Variants in DYRK1A observed in about 807,000 individuals in gnomAD.
DYRK1A encodes the protein dual specificity tyrosine phosphorylation regulated kinase 1A, also known as dual specificity tyrosine-phosphorylation-regulated kinase 1A.
A neutral mutation model predicts 79.7 loss-of-function variants in DYRK1A; 9 were observed. The observed-to-expected ratio is 0.11, with a 90% confidence interval of 0.07 to 0.20. DYRK1A has a LOEUF of 0.20. DYRK1A is among the 10% of genes least tolerant of loss of function. DYRK1A has a pLI of 1.00. For synonymous variants in DYRK1A, 349 were observed against 329.7 expected (o/e 1.06, Z -0.63); for missense variants, 622 against 956.0 (o/e 0.65, Z 4.61).
At chr21:37,508,470 A>G (rs1341871434) in intron 11 of DYRK1A, among the ~76,000 whole-genome samples, 1 of 152,136 alleles carries the variant, frequency 6.6e-6, no homozygotes, top group Non-Finnish European at 1.5e-5. Flanking sequence ...TATTTGTAGT[A>G]GAGACGGGGT....
At chr21:37,394,834 A>C (rs1301340119) in intron 1 of DYRK1A, among the ~76,000 whole-genome samples, 3 of 152,208 alleles carry the variant, frequency 2.0e-5, no homozygotes, top group Admixed American at 1.3e-4. Flanking sequence ...AAAGTAGCAA[A>C]AGACTAGATA....
At chr21:37,465,182 A>G (rs2051983487) in intron 2 of DYRK1A, among the ~76,000 whole-genome samples, 1 of 152,234 alleles carries the variant, frequency 6.6e-6, no homozygotes, top group Admixed American at 6.5e-5. Flanking sequence ...GTCACTAACT[A>G]GTTATGATAG....
chr21:37,399,747 C>T lies in DYRK1A; in HGVS notation c.-76-20552C>T, dbSNP rs1422025262. On this transcript the variant is annotated intron_variant, in intron 1 of 11. Transcript: ENST00000647188. The stretch of plus-strand genomic sequence containing the variant: ...TCTTTCTAAAGCTTGAAGGTACTCA[C>T]GAGAAAGCAGTGAGACTGTACATCA... 3.9e-5 allele frequency among the ~76,000 whole-genome samples: 6 copies of T among 152,012 alleles called. No individual in the cohort carries two copies. The East Asian group carries it at 1.2e-3, about 29-fold the overall frequency.
intron 2 of DYRK1A, among the ~76,000 whole-genome samples, chr21:37,422,203 A>T (rs2050494768): frequency 6.6e-6 from 1 of 152,144 alleles, no homozygotes; most frequent in Admixed American, 6.6e-5. Flanking sequence ...CTTACAGAGG[A>T]AAAAACCCAG....
At chr21:37,442,391 T>G (rs1289431126) in intron 2 of DYRK1A, among the ~76,000 whole-genome samples, 1 of 152,190 alleles carries the variant, frequency 6.6e-6, no homozygotes, top group Non-Finnish European at 1.5e-5. Context: ...TGTTAACTTT[T>G]TAAAATCTCT....
At chr21:37,491,199 G>A (rs2053081503) in intron 7 of DYRK1A, among the ~76,000 whole-genome samples, 1 of 152,108 alleles carries the variant, frequency 6.6e-6, no homozygotes. Context: ...GTGCTGATAA[G>A]TTTAGCTGAT....
At chr21:37,411,296 CAGTGAGCTG>C (rs1448906065) in intron 1 of DYRK1A, among the ~76,000 whole-genome samples, 2 of 151,606 alleles carry the variant, frequency 1.3e-5, no homozygotes, top group African/African-American at 4.8e-5. Context: ...GCGGAGGTTG[CAGTGAGCTG>C]AGATCACGCC....
chr21:37,493,799 A>G (rs1253497154), intron 8 of DYRK1A, among the ~76,000 whole-genome samples: 2 of 152,106 alleles, frequency 1.3e-5, no homozygotes, highest in South Asian at 2.1e-4. Flanking sequence ...AAAATTGACA[A>G]TTTGCACGTC....
intron 1 of DYRK1A, among the ~76,000 whole-genome samples, chr21:37,377,911 G>A (rs2049580098): frequency 6.6e-6 from 1 of 152,162 alleles, no homozygotes; most frequent in South Asian, 2.1e-4. Flanking sequence ...TGTGAGTATT[G>A]GCCATAGGAT....
In DYRK1A at chr21:37,368,609, C is replaced by T. The variant is rs1487854811; in HGVS notation, c.-77+981C>T. ...CCTTAGAACGTTGTTTTCACAAGTG[C>T]CAGGCTCTGTTTTTAGGGTTTTCAG... On this transcript the variant is annotated intron_variant, in intron 1 of 11. Coordinates refer to ENST00000647188, the MANE Select transcript of DYRK1A (RefSeq NM_001347721.2). Among the ~76,000 whole-genome samples, 4 of 152,112 alleles carry T rather than the reference C, an allele frequency of 2.6e-5. No homozygotes were observed. In the East Asian group the frequency reaches 5.8e-4, roughly 22 times the overall value.
intron 6 of DYRK1A, 141 bp downstream of exon 6, chr21:37,486,755 T>G: frequency 1.3e-6 from 1 of 793,200 alleles, no homozygotes; most frequent in Non-Finnish European, 1.8e-6. Flanking sequence ...ACAGCAAGAT[T>G]TATATAAGTG....
intron 6 of DYRK1A, chr21:37,488,460 C>A (rs1441896187): frequency 2.8e-6 from 2 of 722,510 alleles, no homozygotes; most frequent in African/African-American, 3.9e-5. Flanking sequence ...CTTTAAAAAA[C>A]ATCTACTTCT....
At chr21:37,428,578 A>G (rs1398809138) in intron 2 of DYRK1A, among the ~76,000 whole-genome samples, 1 of 152,226 alleles carries the variant, frequency 6.6e-6, no homozygotes, top group Non-Finnish European at 1.5e-5. Flanking sequence ...GTTGTGAAGA[A>G]TGTATTTATT....
intron 4 of DYRK1A, among the ~76,000 whole-genome samples, chr21:37,479,619 G>GTTTTTGTTTTTTTTT (rs2052550822): frequency 3.7e-4 from 27 of 73,922 alleles, no homozygotes; most frequent in East Asian, 1.3e-3. Flanking sequence ...TTTGTTTTTT[G>GTTTTTGTTTTTTTTT]TTTTTTTTTT....
chr21:37,399,606 A>T (rs2050018221), intron 1 of DYRK1A, among the ~76,000 whole-genome samples: 1 of 152,200 alleles, frequency 6.6e-6, no homozygotes, highest in African/African-American at 2.4e-5. Context: ...TCTTAATAGA[A>T]TATGTGACAA....
At chr21:37,395,814 A>G (rs1218717175) in intron 1 of DYRK1A, among the ~76,000 whole-genome samples, 4 of 152,216 alleles carry the variant, frequency 2.6e-5, no homozygotes, top group African/African-American at 7.2e-5. Context: ...TTTTGCATCC[A>G]AGTCAATTGG....
intron 1 of DYRK1A, among the ~76,000 whole-genome samples, chr21:37,380,175 C>G (rs1409468985): frequency 6.6e-6 from 1 of 152,090 alleles, no homozygotes; most frequent in Non-Finnish European, 1.5e-5. Flanking sequence ...AGGACTCTAG[C>G]CCTTAAGACA....
intron 2 of DYRK1A, among the ~76,000 whole-genome samples, chr21:37,445,588 C>CT (rs1031330526): frequency 3.3e-5 from 5 of 152,042 alleles, no homozygotes; most frequent in Admixed American, 6.5e-5. Context: ...CATGGGAGTG[C>CT]TTTTTTTCTA....
rs1261272756 is a variant in DYRK1A at position 37,506,213 on chromosome 21, A to T, written c.1634A>T (p.His545Leu). Residue 545 changes from histidine to leucine, a missense_variant, in exon 11 of 12, where the codon CAC (histidine) becomes CTC (leucine). By Grantham distance (99) the His-to-Leu change is moderately conservative (BLOSUM62 -3). Transcript: ENST00000647188. ...AAVQAMDCET[H>L]SPQVRQQFPA... ...GTGCAGGCCATGGACTGCGAGACAC[A>T]CAGTCCCCAGGTGAGCTCGCACGTG... 6.2e-7 allele frequency: 1 copy of T among 1,614,096 alleles called. No individual in the cohort carries two copies. Among genetic ancestry groups the T allele is most frequent in the East Asian group, 2.2e-5 (1 of 44,872 alleles).
Sources: gnomAD v4.1 joint callset for allele counts (sites outside exome capture counted in the v4.1 genomes callset) on GRCh38, gnomAD v4.1.1 for gene constraint, MANE v1.5 for transcripts, NCBI Gene and HGNC (gene_info 2026-07-23, HGNC 2026-07-21) for gene names.